HTR1D: variants seen among roughly 807,000 people sequenced by gnomAD.
The protein encoded by HTR1D is 5-HT-1D.
Under a neutral mutation model 21.1 loss-of-function variants are expected in HTR1D, and 18 were observed. The ratio of observed to expected loss-of-function variants is 0.85; its 90% CI spans 0.59 to 1.27. The LOEUF (loss-of-function observed/expected upper bound fraction) is 1.27, where lower values mean the gene tolerates loss of function less well. Ranked by LOEUF, HTR1D falls within the 50% of genes most tolerant of loss-of-function variation. The pLI is 0.00. For synonymous variants in HTR1D, 196 were observed against 204.4 expected, an observed-to-expected ratio of 0.96 and a Z score of 0.35; for missense variants, 456 against 481.4, an observed-to-expected ratio of 0.95 and a Z score of 0.49.
At chr1:23,196,730 TATA>T (rs1476413400) in intron 1 of HTR1D, among the ~76,000 whole-genome samples, 3 of 152,156 alleles carry the variant, frequency 2.0e-5, no homozygotes, top group Admixed American at 6.6e-5. Flanking sequence ...GCTCCCAACT[TATA>T]ATGACCCGAC....
chr1:23,210,447 T>G (rs1644749440), intron 1 of HTR1D, among the ~76,000 whole-genome samples: 1 of 152,202 alleles, frequency 6.6e-6, no homozygotes, highest in Non-Finnish European at 1.5e-5. Context: ...GTAGCAGTAG[T>G]GTCAGCCCTG....
At chr1:23,197,939 TACA>T (rs1188437475) in intron 1 of HTR1D, among the ~76,000 whole-genome samples, 7 of 151,912 alleles carry the variant, frequency 4.6e-5, no homozygotes, top group Non-Finnish European at 1.0e-4. Flanking sequence ...AGTAGAAAAG[TACA>T]ACATTTTAAA....
intron 1 of HTR1D, among the ~76,000 whole-genome samples, chr1:23,211,391 C>T (rs1368298256): frequency 6.6e-6 from 1 of 152,096 alleles, no homozygotes; most frequent in African/African-American, 2.4e-5. Context: ...AGTAGGGGGA[C>T]AGGTAGCCTG....
intron 1 of HTR1D, among the ~76,000 whole-genome samples, chr1:23,200,177 C>T (rs368037177): frequency 9.8e-5 from 15 of 152,364 alleles, no homozygotes; most frequent in African/African-American, 3.4e-4. Flanking sequence ...AGCACAGTCT[C>T]TTTGACCCTT....
intron 1 of HTR1D, among the ~76,000 whole-genome samples, chr1:23,198,782 A>G (rs1021418833): frequency 6.6e-6 from 1 of 152,262 alleles, no homozygotes; most frequent in African/African-American, 2.4e-5. Flanking sequence ...AGGGAGATAA[A>G]TATATGTGGC....
In HTR1D at chr1:23,193,464, C is replaced by T. The variant is rs145518647; in HGVS notation, c.756G>A (p.Ser252=). The T allele has an allele frequency of 1.6e-3, 2,613 of 1,614,072 alleles. 6 individuals carry two copies. Among genetic ancestry groups the T allele is most frequent in the Non-Finnish European group, 2.1e-3 (2,439 of 1,179,988 alleles). ...AHLITGSAGS[S]LCSLNSSLHE... ...GGAGGCTGGAGTTGAGCGAGCAGAGCGAGGACCCGGCAGAGCCTGTGATGA... is the reference window on the plus strand; with the variant it reads ...GGAGGCTGGAGTTGAGCGAGCAGAGTGAGGACCCGGCAGAGCCTGTGATGA... The change falls in exon 2 of 2, where the codon TCG becomes TCA. Residue 252 remains serine (S), a synonymous_variant. Coordinates refer to ENST00000374619, the MANE Select transcript of HTR1D (RefSeq NM_000864.5).
chr1:23,197,584 G>C (rs1455348366), intron 1 of HTR1D, among the ~76,000 whole-genome samples: 6 of 151,814 alleles, frequency 4.0e-5, no homozygotes, highest in Non-Finnish European at 7.4e-5. Context: ...GCAAAAATTA[G>C]CTGGGCATGG....
At chr1:23,198,223 G>A (rs922002724) in intron 1 of HTR1D, among the ~76,000 whole-genome samples, 159 of 148,528 alleles carry the variant, frequency 1.1e-3, no homozygotes, top group Middle Eastern at 3.4e-3. Context: ...AAAATTAGCC[G>A]GGCACAGTGG....
chr1:23,210,537 A>G (rs1644749764), intron 1 of HTR1D, among the ~76,000 whole-genome samples: 1 of 152,172 alleles, frequency 6.6e-6, no homozygotes, highest in African/African-American at 2.4e-5. Flanking sequence ...TGATGCTGAC[A>G]GGAATTGGGC....
rs1376998553 is a variant in HTR1D, at chr1:23,217,073, C to T, written c.-783+218G>A. Among the ~76,000 whole-genome samples the T allele has an allele frequency of 6.6e-6, 1 of 152,016 alleles. No homozygotes were observed. ...AGCCTCCCTGGGCGCTGCCTCAGTC[C>T]TCCCTTTTCTCCCGGGGCTCTGGAC... On this transcript the variant is annotated intron_variant, in intron 1 of 1. Transcript: ENST00000374619. The surrounding 1 kb of genome is among the most constrained non-coding windows in gnomAD (Gnocchi z 4.6).
intron 1 of HTR1D, among the ~76,000 whole-genome samples, chr1:23,195,704 G>A (rs1644686025): frequency 6.6e-6 from 1 of 152,160 alleles, no homozygotes; most frequent in African/African-American, 2.4e-5. Context: ...CCAAAGTGCT[G>A]GGATTACAGG....
chr1:23,215,630 G>A (rs367977894), intron 1 of HTR1D, among the ~76,000 whole-genome samples: 1 of 152,188 alleles, frequency 6.6e-6, no homozygotes, highest in African/African-American at 2.4e-5. Context: ...TCATCCATCC[G>A]TGGCCTAGGA....
At chr1:23,204,130 CT>C (rs565071882) in intron 1 of HTR1D, among the ~76,000 whole-genome samples, 24,691 of 146,546 alleles carry the variant, frequency 0.17, 2,166 homozygotes, top group Middle Eastern at 0.28. Context: ...TACCCAGTCT[CT>C]TTTTTTTTTT....
chr1:23,199,664 C>T lies in HTR1D; in HGVS notation c.-782-4663G>A, dbSNP rs1644702693. 3.3e-5 allele frequency among the ~76,000 whole-genome samples: 5 copies of T among 151,748 alleles called. No individual in the cohort carries two copies. The South Asian group carries it at 1.0e-3, about 31-fold the overall frequency. On this transcript the variant is annotated intron_variant, in intron 1 of 1. Coordinates refer to ENST00000374619, the MANE Select transcript of HTR1D (RefSeq NM_000864.5). Reference sequence around the variant, plus strand: ...TGTTATTCGTGTGTGTGTGTTTGTACTGCTTTGTAGGGAATGATGTATTTG... The same window carrying T: ...TGTTATTCGTGTGTGTGTGTTTGTATTGCTTTGTAGGGAATGATGTATTTG...
chr1:23,194,292 G>A lies in HTR1D; in HGVS notation c.-73C>T. On this transcript the variant is annotated 5_prime_UTR_variant, in exon 2 of 2. Transcript: ENST00000374619. ...CCTTCAAGGTTGTCCTGACAACAGA[G>A]CAAAGTCATCCTTCTGCTTCACACT... is the stretch of plus-strand genomic sequence containing the variant. The A allele has an allele frequency of 7.2e-7, 1 of 1,397,904 alleles. No homozygotes were observed. The highest frequency in any genetic ancestry group is 9.8e-7 in the Non-Finnish European group (1 of 1,016,134). 86.6% of individuals were successfully genotyped at this position (1,397,904 alleles called of 1,614,324 possible).
chr1:23,198,097 C>T (rs958333983), intron 1 of HTR1D, among the ~76,000 whole-genome samples: 7 of 148,252 alleles, frequency 4.7e-5, no homozygotes, highest in African/African-American at 1.2e-4. Flanking sequence ...GTGGGCCGGG[C>T]GCAATGGCTC....
chr1:23,213,455 G>C (rs1393955891), intron 1 of HTR1D, among the ~76,000 whole-genome samples: 1 of 141,630 alleles, frequency 7.1e-6, no homozygotes, highest in Non-Finnish European at 1.6e-5. Flanking sequence ...ACTCCAGCCT[G>C]GGCGACAGAG....
Position 23,193,664 on chromosome 1 carries a change from A to C in HTR1D, c.556T>G (p.Ser186Ala), listed in dbSNP as rs539241195. Residue 186 changes from serine to alanine, a missense_variant, in exon 2 of 2, where the codon TCG (serine) becomes GCG (alanine). Transcript: ENST00000374619. Reference sequence around the variant, plus strand: ...TGAGAGGTGTTCACCAGACAGTCCGACATCTCCTCCTGGGCCTTGGCCTGC... The same window carrying C: ...TGAGAGGTGTTCACCAGACAGTCCGCCATCTCCTCCTGGGCCTTGGCCTGC... ...WRQAKAQEEM[S>A]DCLVNTSQIS... The C allele has an allele frequency of 6.2e-6, 10 of 1,613,464 alleles. No individual in the cohort carries two copies. In the African/African-American group the frequency reaches 1.1e-4, roughly 17 times the overall value.
chr1:23,198,918 C>T (rs779303009), intron 1 of HTR1D, among the ~76,000 whole-genome samples: 23 of 152,328 alleles, frequency 1.5e-4, no homozygotes, highest in African/African-American at 5.3e-4. Flanking sequence ...GTTCTTTTCA[C>T]GATCTCGGCT....
Sources: allele counts gnomAD v4.1 joint callset (sites outside exome capture counted in the v4.1 genomes callset), GRCh38; gene constraint gnomAD v4.1.1; non-coding constraint Gnocchi (gnomAD v3.1); transcripts MANE v1.5; gene names NCBI Gene and HGNC (gene_info 2026-07-23, HGNC 2026-07-21).